The following GLS variants were observed in gnomAD, a reference collection of about 807,000 sequenced individuals.
GLS encodes glutaminase kidney isoform, mitochondrial.
A neutral mutation model predicts 86.7 loss-of-function variants in GLS; 36 were observed. The ratio of observed to expected loss-of-function variants is 0.42; its 90% confidence interval spans 0.32 to 0.55. GLS has a LOEUF of 0.55. Among genes scored for constraint, GLS ranks in the 20% least tolerant of loss-of-function variants. GLS has a pLI of 0.17. For synonymous variants in GLS, 317 were observed against 305.9 expected, an observed-to-expected ratio of 1.04 and a Z score of -0.38; for missense variants, 528 against 833.4, an observed-to-expected ratio of 0.63 and a Z score of 4.51.
chr2:190,887,513 T>C (rs936191371), intron 1 of GLS, among the ~76,000 whole-genome samples: 5 of 152,132 alleles, frequency 3.3e-5, no homozygotes, highest in African/African-American at 9.7e-5. Flanking sequence ...TTAAGAAATA[T>C]ATTTTTGCCT....
rs1426567241 is a variant in GLS at position 190,935,228 on chromosome 2, T to C, written c.1650+3591T>C. 4 of 803,518 alleles carry C rather than the reference T, an allele frequency of 5.0e-6. No individual in the cohort carries two copies. Among genetic ancestry groups the C allele is most frequent in the African/African-American group, 1.9e-5 (1 of 53,746 alleles). 49.8% of individuals were successfully genotyped at this position (803,518 alleles called of 1,614,324 possible). A position where few individuals can be genotyped will look rare whatever the true frequency, so the allele number is the denominator to read the frequency against. On this transcript the variant is annotated intron_variant, in intron 14 of 17. Coordinates refer to ENST00000320717, the MANE Select transcript of GLS (RefSeq NM_014905.5). The surrounding 1 kb of genome is among the most constrained non-coding windows in gnomAD (Gnocchi z 4.2). ...TTCATTTGCTTTGTATATTTAATAATGTACCTTTATTTTCCAGTATGCCTA... is the reference window on the plus strand; with the variant it reads ...TTCATTTGCTTTGTATATTTAATAACGTACCTTTATTTTCCAGTATGCCTA...
At chr2:190,894,861 A>G (rs192397718) in intron 1 of GLS, among the ~76,000 whole-genome samples, 19 of 152,346 alleles carry the variant, frequency 1.2e-4, no homozygotes, top group Admixed American at 3.9e-4. Context: ...GGTGTATAGG[A>G]AGGCATCACC....
intron 14 of GLS, chr2:190,932,836 AT>A: frequency 6.4e-7 from 1 of 1,567,308 alleles, no homozygotes; most frequent in Non-Finnish European, 8.6e-7. Flanking sequence ...AGTATATAGA[AT>A]GGAAAGTCTG....
intron 1 of GLS, among the ~76,000 whole-genome samples, chr2:190,890,937 G>A (rs1414552777): frequency 6.6e-5 from 10 of 152,084 alleles, no homozygotes; most frequent in Admixed American, 1.3e-4. Flanking sequence ...ATAGTTTGGG[G>A]AGGTTAGGTA....
intron 11 of GLS, among the ~76,000 whole-genome samples, chr2:190,926,732 T>C (rs1689906437): frequency 6.6e-6 from 1 of 152,214 alleles, no homozygotes. Context: ...GATAACATTT[T>C]GGTTTAGGCT....
At position 190,905,360 on chromosome 2, in the gene GLS, C is replaced by T. The variant is rs1689096622; in HGVS notation, c.979+193C>T. On this transcript the variant is annotated intron_variant, in intron 6 of 17. Coordinates refer to ENST00000320717, the MANE Select transcript of GLS (RefSeq NM_014905.5). The surrounding 1 kb of genome is among the most constrained non-coding windows in gnomAD (Gnocchi z 4.6). ...GCATCTCATACCACTGGGAAGTGGG[C>T]TAGGGAGAACATGAACTTCTCTCTT... The T allele has an allele frequency of 4.3e-6, 2 of 463,314 alleles. No homozygotes were observed. Among genetic ancestry groups the T allele is most frequent in the Admixed American group, 3.8e-5 (1 of 26,206 alleles). The allele number at this position is 463,314 out of a possible 1,614,324, so 28.7% of individuals were successfully genotyped here.
intron 5 of GLS, among the ~76,000 whole-genome samples, chr2:190,904,800 C>T (rs551778347): frequency 6.6e-6 from 1 of 152,210 alleles, no homozygotes; most frequent in Non-Finnish European, 1.5e-5. Context: ...AGTTTGGTAT[C>T]ACAGGGATTC....
At position 190,908,921 on chromosome 2, in the gene GLS, ATTT is replaced by A. The variant is rs202073005; in HGVS notation, c.980-1341_980-1339del. On this transcript the variant is annotated intron_variant, in intron 6 of 17. Transcript: ENST00000320717. ...CATTTGGAAAATATTTAATACTCACATTTATGTGATACCATTTGGAGTACATAG... is the reference window on the plus strand; with the variant it reads ...CATTTGGAAAATATTTAATACTCACAATGTGATACCATTTGGAGTACATAG... Among the ~76,000 whole-genome samples the A allele has an allele frequency of 2.3e-3, 347 of 152,374 alleles. 7 individuals carry two copies. In the East Asian group the frequency reaches 0.06, roughly 26 times the overall value.
rs986635594 is a variant in GLS at position 190,914,066 on chromosome 2, A to T, written c.1038+3745A>T. ...TTTGGCCTCCCAAAATGCTGGGATG[A>T]CAGGCATTAGCCACTCTACTTGGCA... is the stretch of plus-strand genomic sequence containing the variant. On this transcript the variant is annotated intron_variant, in intron 7 of 17. Transcript: ENST00000320717. This position sits in a 1 kb window ranked among gnomAD's most constrained non-coding sequence, Gnocchi z 4.4. Among the ~76,000 whole-genome samples, 7 of 152,234 alleles carry T rather than the reference A, an allele frequency of 4.6e-5. No individual in the cohort carries two copies. In the East Asian group the frequency reaches 1.3e-3, roughly 29 times the overall value.
intron 7 of GLS, 75 bp downstream of exon 7, chr2:190,910,396 G>T: frequency 2.8e-6 from 2 of 707,522 alleles, no homozygotes; most frequent in South Asian, 1.9e-5. Flanking sequence ...GATGAATCTG[G>T]GATTATTTAT....
chr2:190,903,854 T>A (rs1689038477), intron 5 of GLS, among the ~76,000 whole-genome samples: 2 of 152,216 alleles, frequency 1.3e-5, no homozygotes, highest in Admixed American at 1.3e-4. Context: ...GTGCCCAGTT[T>A]CATTATGAAT....
At position 190,953,707 on chromosome 2, in the gene GLS, A is replaced by C; in HGVS notation, c.1712+81A>C. 1.0e-6 allele frequency: 1 copy of C among 955,540 alleles called. No individual in the cohort carries two copies. The highest frequency in any genetic ancestry group is 1.6e-6 in the Non-Finnish European group (1 of 608,130). 59.2% of individuals were successfully genotyped at this position (955,540 alleles called of 1,614,324 possible). A position where few individuals can be genotyped will look rare whatever the true frequency, so the allele number is the denominator to read the frequency against. On this transcript the variant is annotated intron_variant, in intron 15 of 17. Transcript: ENST00000320717. This position sits in a 1 kb window ranked among gnomAD's most constrained non-coding sequence, Gnocchi z 4.0. ...TGGGCGAGCAGCCATTTTAAGGTTAAAGTCTCACTTTTCTTTCCCTTTGAT... is the reference window on the plus strand; with the variant it reads ...TGGGCGAGCAGCCATTTTAAGGTTACAGTCTCACTTTTCTTTCCCTTTGAT...
chr2:190,914,391 T>C lies in GLS; in HGVS notation c.1038+4070T>C, dbSNP rs544524003. Among the ~76,000 whole-genome samples, 73 of 152,220 alleles carry C rather than the reference T, an allele frequency of 4.8e-4. No individual in the cohort carries two copies. The highest frequency in any genetic ancestry group is 1.3e-3 in the African/African-American group (55 of 41,550). ...GCAACATTCAGAAGACAGGATTATA[T>C]TGGTTTATTTACTTCTTGTTTATAT... is the stretch of plus-strand genomic sequence containing the variant. On this transcript the variant is annotated intron_variant, in intron 7 of 17. Coordinates refer to ENST00000320717, the MANE Select transcript of GLS (RefSeq NM_014905.5). This position sits in a 1 kb window ranked among gnomAD's most constrained non-coding sequence, Gnocchi z 4.4.
intron 5 of GLS, among the ~76,000 whole-genome samples, chr2:190,903,905 A>G (rs1390007312): frequency 6.6e-6 from 1 of 152,224 alleles, no homozygotes; most frequent in Non-Finnish European, 1.5e-5. Flanking sequence ...GTGTTGGGAC[A>G]TTGTTCAGGG....
At position 190,938,211 on chromosome 2, in the gene GLS, T is replaced by C. The variant is rs1257823482; in HGVS notation, c.1650+6574T>C. On this transcript the variant is annotated intron_variant, in intron 14 of 17. Coordinates refer to ENST00000320717, the MANE Select transcript of GLS (RefSeq NM_014905.5). This position sits in a 1 kb window ranked among gnomAD's most constrained non-coding sequence, Gnocchi z 4.1. ...TTTTTTCATTAGGTATTTACCTTGCTGAAACACTTTCAGGCCTTAAAACCA... is the reference window on the plus strand; with the variant it reads ...TTTTTTCATTAGGTATTTACCTTGCCGAAACACTTTCAGGCCTTAAAACCA... Among the ~76,000 whole-genome samples, 1 of 151,530 alleles carries C rather than the reference T, an allele frequency of 6.6e-6. No individual in the cohort carries two copies. Among genetic ancestry groups the C allele is most frequent in the Non-Finnish European group, 1.5e-5 (1 of 67,502 alleles).
intron 14 of GLS, among the ~76,000 whole-genome samples, chr2:190,945,467 C>T (rs1234065046): frequency 1.3e-5 from 2 of 151,802 alleles, no homozygotes; most frequent in African/African-American, 4.8e-5. Context: ...TTGAGACCAG[C>T]CTGGGCAACA....
chr2:190,926,929 A>G (rs1689914462), intron 11 of GLS: 1 of 160,064 alleles, frequency 6.2e-6, no homozygotes, highest in East Asian at 1.9e-4. Context: ...TTTATCTTAA[A>G]AATATTTCAT....
At position 190,964,957 on chromosome 2, in the gene GLS, C is replaced by T. The variant is rs1691089427; in HGVS notation, c.*1971C>T. 6.6e-6 allele frequency: 1 copy of T among 152,048 alleles called. No homozygotes were observed. The highest frequency in any genetic ancestry group is 6.5e-5 in the Admixed American group (1 of 15,274). The allele number at this position is 152,048 out of a possible 1,614,324, so 9.4% of individuals were successfully genotyped here. On this transcript the variant is annotated 3_prime_UTR_variant, in exon 18 of 18. Transcript: ENST00000320717. The surrounding 1 kb of genome is among the most constrained non-coding windows in gnomAD (Gnocchi z 5.2). ...AACAAAGAGAGTTTTCATCTTTTTT[C>T]AGATCAAAACCATTCTGTAAAATCT...
At position 190,909,188 on chromosome 2, in the gene GLS, TTTTA is replaced by T. The variant is rs1481890736; in HGVS notation, c.980-1063_980-1060del. Among the ~76,000 whole-genome samples the T allele has an allele frequency of 6.2e-5, 9 of 145,304 alleles. No individual in the cohort carries two copies. In the South Asian group the frequency reaches 8.9e-4, roughly 14 times the overall value. ...CACCCAAAATGTAGGATATTTTTCT[TTTTA>T]TTTATTTATTTTTAATTGACAGATA... On this transcript the variant is annotated intron_variant, in intron 6 of 17. Transcript: ENST00000320717.
Sources: allele counts gnomAD v4.1 joint callset (sites outside exome capture counted in the v4.1 genomes callset), GRCh38; gene constraint gnomAD v4.1.1; non-coding constraint Gnocchi (gnomAD v3.1); transcripts MANE v1.5; gene names NCBI Gene and HGNC (gene_info 2026-07-23, HGNC 2026-07-21).